Variants in ANKIB1 observed in about 807,000 individuals in gnomAD.
ANKIB1 encodes the protein ankyrin repeat and IBR domain containing 1.
ANKIB1 carries 43 observed loss-of-function variants against 122.1 expected under a neutral mutation model. That is an observed-to-expected ratio of 0.35 (90% confidence interval 0.28 to 0.45). The LOEUF (loss-of-function observed/expected upper bound fraction) is 0.45, where lower values mean the gene tolerates loss of function less well. Among genes scored for constraint, ANKIB1 ranks in the 20% least tolerant of loss-of-function variants. ANKIB1 has a pLI of 1.00. For missense variants in ANKIB1, 992 were observed against 1,329.5 expected (o/e 0.75, Z 3.95); for synonymous variants, 390 against 442.0 (o/e 0.88, Z 1.48).
rs146110222 is a variant in ANKIB1, at chr7:92,279,099, C to T, written c.-90-15790C>T. Among the ~76,000 whole-genome samples, 45 of 152,284 alleles carry T rather than the reference C, an allele frequency of 3.0e-4. 1 individual carries two copies. The East Asian group carries it at 3.1e-3, about 10-fold the overall frequency. On this transcript the variant is annotated intron_variant, in intron 1 of 19. Coordinates refer to ENST00000265742, the MANE Select transcript of ANKIB1 (RefSeq NM_019004.2). ...GCATAATGAGCATACAGCCTAGATC[C>T]TTTGTGTGTGCAGTTCACAATAGGG...
At chr7:92,377,839 T>C (rs1227144035) in intron 11 of ANKIB1, among the ~76,000 whole-genome samples, 1 of 152,070 alleles carries the variant, frequency 6.6e-6, no homozygotes, top group Non-Finnish European at 1.5e-5. Context: ...TCCCACACCT[T>C]ACATTAACAC....
intron 5 of ANKIB1, among the ~76,000 whole-genome samples, chr7:92,337,189 T>C (rs1803308064): frequency 6.6e-6 from 1 of 152,194 alleles, no homozygotes; most frequent in African/African-American, 2.4e-5. Context: ...CAGTAAACTT[T>C]GAGAATTCCA....
intron 11 of ANKIB1, among the ~76,000 whole-genome samples, chr7:92,376,614 A>C (rs992177927): frequency 4.0e-5 from 6 of 151,548 alleles, no homozygotes; most frequent in African/African-American, 1.5e-4. Context: ...ACACGTGGCT[A>C]ATTTTTGTAT....
At chr7:92,310,314 A>G (rs938278345) in intron 3 of ANKIB1, among the ~76,000 whole-genome samples, 2 of 152,164 alleles carry the variant, frequency 1.3e-5, no homozygotes, top group African/African-American at 4.8e-5. Context: ...TATTAAATAT[A>G]AAACATTCTA....
intron 11 of ANKIB1, among the ~76,000 whole-genome samples, chr7:92,372,281 C>T (rs1173354172): frequency 6.6e-6 from 1 of 151,966 alleles, no homozygotes; most frequent in Non-Finnish European, 1.5e-5. Flanking sequence ...CTAAACAATG[C>T]AGTATAACAA....
At chr7:92,273,935 G>A (rs1326031779) in intron 1 of ANKIB1, among the ~76,000 whole-genome samples, 2 of 151,818 alleles carry the variant, frequency 1.3e-5, no homozygotes, top group African/African-American at 4.8e-5. Context: ...ACCATGGCTG[G>A]CTAGTTTTTT....
At position 92,362,132 on chromosome 7, in the gene ANKIB1, G is replaced by A; in HGVS notation, c.1398-53G>A. 2.7e-6 allele frequency: 4 copies of A among 1,506,116 alleles called. No homozygotes were observed. In the Admixed American group the frequency reaches 7.9e-5, roughly 30 times the overall value. 93.3% of individuals were successfully genotyped at this position (1,506,116 alleles called of 1,614,324 possible). A position where few individuals can be genotyped will look rare whatever the true frequency, so the allele number is the denominator to read the frequency against. On this transcript the variant is annotated intron_variant, in intron 9 of 19. Transcript: ENST00000265742. ...GGCCTCTACACACTTTTTTTACCTTGATGTTGATGAAGAATATTTTAAAAT... is the reference window on the plus strand; with the variant it reads ...GGCCTCTACACACTTTTTTTACCTTAATGTTGATGAAGAATATTTTAAAAT...
Position 92,398,196 on chromosome 7 carries a change from C to A in ANKIB1, c.2533-16C>A. ...TCAGTCAAATTTTAAAGTGGTTTTGCTTTCTGTTGCTTCAGGCTCTGAGTT... is the reference window on the plus strand; with the variant it reads ...TCAGTCAAATTTTAAAGTGGTTTTGATTTCTGTTGCTTCAGGCTCTGAGTT... On this transcript the variant is annotated splice_polypyrimidine_tract_variant and intron_variant, in intron 19 of 19. Coordinates refer to ENST00000265742, the MANE Select transcript of ANKIB1 (RefSeq NM_019004.2). 6.5e-7 allele frequency: 1 copy of A among 1,549,906 alleles called. No homozygotes were observed. Among genetic ancestry groups the A allele is most frequent in the Admixed American group, 2.1e-5 (1 of 47,442 alleles).
At chr7:92,296,246 G>A (rs575158157) in intron 2 of ANKIB1, among the ~76,000 whole-genome samples, 1 of 151,350 alleles carries the variant, frequency 6.6e-6, no homozygotes, top group South Asian at 2.1e-4. Flanking sequence ...TAATAGAAAC[G>A]GTGTCTTGCT....
intron 3 of ANKIB1, among the ~76,000 whole-genome samples, chr7:92,319,097 T>C (rs1385267408): frequency 1.3e-5 from 2 of 152,112 alleles, no homozygotes; most frequent in African/African-American, 4.8e-5. Context: ...TTTTTTTAAA[T>C]TATTTTTTAA....
intron 10 of ANKIB1, among the ~76,000 whole-genome samples, chr7:92,363,451 C>T (rs568874784): frequency 6.6e-6 from 1 of 152,160 alleles, no homozygotes; most frequent in Admixed American, 6.5e-5. Flanking sequence ...GAGCAAAGCA[C>T]ATAATAAAGA....
In ANKIB1 at chr7:92,393,572, T is replaced by C. The variant is rs951223690; in HGVS notation, c.2283+1280T>C. 3.2e-4 allele frequency among the ~76,000 whole-genome samples: 48 copies of C among 152,220 alleles called. 1 individual carries two copies. Among genetic ancestry groups the C allele is most frequent in the African/African-American group, 9.9e-4 (41 of 41,584 alleles). ...GTTTAGCAAAAATAAATAAAACCTT[T>C]GTCAGTGTATTCACAAGCATGTATG... On this transcript the variant is annotated intron_variant, in intron 17 of 19. Transcript: ENST00000265742.
chr7:92,283,703 A>G (rs1220434030), intron 1 of ANKIB1, among the ~76,000 whole-genome samples: 1 of 152,184 alleles, frequency 6.6e-6, no homozygotes, highest in Non-Finnish European at 1.5e-5. Context: ...TCGTAACATC[A>G]TTGTGCAGTT....
At chr7:92,387,294 T>A (rs1178389415) in intron 12 of ANKIB1, among the ~76,000 whole-genome samples, 1 of 152,082 alleles carries the variant, frequency 6.6e-6, no homozygotes, top group African/African-American at 2.4e-5. Context: ...AAATATTAAT[T>A]TTAGGGGGAA....
At chr7:92,306,615 A>G (rs1437401369) in intron 2 of ANKIB1, among the ~76,000 whole-genome samples, 1 of 152,120 alleles carries the variant, frequency 6.6e-6, no homozygotes, top group Non-Finnish European at 1.5e-5. Context: ...AGAGAACACA[A>G]GAAGGCCTCT....
intron 12 of ANKIB1, 38 bp downstream of exon 12, chr7:92,386,681 C>T: frequency 6.7e-7 from 1 of 1,483,864 alleles, no homozygotes; most frequent in Non-Finnish European, 9.0e-7. Flanking sequence ...TCTCTCTAAA[C>T]CGCTCACTGC....
At chr7:92,303,898 G>A (rs916600247) in intron 2 of ANKIB1, among the ~76,000 whole-genome samples, 58 of 152,094 alleles carry the variant, frequency 3.8e-4, no homozygotes, top group Admixed American at 3.1e-3. Flanking sequence ...CTATAAACTG[G>A]CTGCTTAAGA....
At position 92,362,179 on chromosome 7, in the gene ANKIB1, C is replaced by T. The variant is rs775363387; in HGVS notation, c.1398-6C>T. The stretch of plus-strand genomic sequence containing the variant: ...AAATTGTCTTTTCTGTGTTTATTTT[C>T]TTTAGGGAGTGCCTTGGTGAAGCAC... On this transcript the variant is annotated splice_polypyrimidine_tract_variant and splice_region_variant and intron_variant, in intron 9 of 19. Transcript: ENST00000265742. The T allele has an allele frequency of 2.6e-5, 42 of 1,587,780 alleles. No individual in the cohort carries two copies. In the East Asian group the frequency reaches 9.1e-4, roughly 34 times the overall value.
At chr7:92,385,350 A>T (rs577568441) in intron 11 of ANKIB1, among the ~76,000 whole-genome samples, 43 of 152,336 alleles carry the variant, frequency 2.8e-4, no homozygotes, top group Non-Finnish European at 4.3e-4. Context: ...AGAACTAGAA[A>T]TACCATTTGA....
Sources: allele counts gnomAD v4.1 joint callset (sites outside exome capture counted in the v4.1 genomes callset), GRCh38; gene constraint gnomAD v4.1.1; transcripts MANE v1.5; gene names NCBI Gene and HGNC (gene_info 2026-07-23, HGNC 2026-07-21).